The following DENND2B variants were observed in gnomAD, a reference collection of about 807,000 sequenced individuals.
The protein encoded by DENND2B is DENN domain-containing protein 2B.
In DENND2B, 32 loss-of-function variants were observed where a neutral mutation model predicts 116.0. The observed-to-expected ratio is 0.28, with a 90% CI of 0.21 to 0.37. DENND2B has a LOEUF of 0.37. DENND2B is among the 10% of genes least tolerant of loss of function. The pLI, the probability that DENND2B is intolerant of heterozygous loss-of-function variation, is 1.00. For synonymous variants in DENND2B, 588 were observed against 583.9 expected (o/e 1.01, Z -0.10); for missense variants, 1,276 against 1,477.7 (o/e 0.86, Z 2.24).
upstream of DENND2B, chr11:8,810,801 TCA>T (rs1166018395): frequency 2.0e-5 from 3 of 149,628 alleles, no homozygotes; most frequent in Admixed American, 6.7e-5. Flanking sequence ...TCTTTCTTTC[TCA>T]CTGTCTCTCT....
intron 1 of DENND2B, among the ~76,000 whole-genome samples, chr11:8,785,948 C>G (rs1593673805): frequency 6.6e-6 from 1 of 152,290 alleles, no homozygotes; most frequent in South Asian, 2.1e-4. Context: ...TACCTGTTTT[C>G]CAAAGTCTAT....
intron 14 of DENND2B, among the ~76,000 whole-genome samples, chr11:8,701,235 G>C (rs1350639245): frequency 2.0e-5 from 3 of 151,758 alleles, no homozygotes; most frequent in Non-Finnish European, 1.5e-5. Flanking sequence ...TCTTGCCCTT[G>C]CCCCTACAGG....
chr11:8,810,988 A>G, upstream of DENND2B: 1 of 282,386 alleles, frequency 3.5e-6, no homozygotes. Context: ...GGGAGAAGGG[A>G]GAAGACAGTG....
At chr11:8,790,860 ACTTTT>A (rs1432996025) in intron 1 of DENND2B, among the ~76,000 whole-genome samples, 2 of 152,160 alleles carry the variant, frequency 1.3e-5, no homozygotes, top group Non-Finnish European at 2.9e-5. Context: ...CTAAACTCTA[ACTTTT>A]CTTTTCTGAG....
intron 3 of DENND2B, among the ~76,000 whole-genome samples, chr11:8,854,711 A>G (rs1310898653): frequency 6.6e-6 from 1 of 151,994 alleles, no homozygotes; most frequent in African/African-American, 2.4e-5. Context: ...CTCTATCTCT[A>G]TAAATTATTT....
chr11:8,799,601 T>C (rs1166881295), intron 1 of DENND2B, among the ~76,000 whole-genome samples: 1 of 145,478 alleles, frequency 6.9e-6, no homozygotes, highest in African/African-American at 2.5e-5. Flanking sequence ...AGTGTCTTGC[T>C]ATGTTGCTCA....
Position 8,730,722 on chromosome 11 carries a change from C to G in DENND2B, c.568G>C (p.Gly190Arg). 1.9e-6 allele frequency: 3 copies of G among 1,612,258 alleles called. No homozygotes were observed. Among genetic ancestry groups the G allele is most frequent in the Non-Finnish European group, 2.5e-6 (3 of 1,179,884 alleles). Reference protein sequence around the residue: ...RMSMCGEKREGSGSEWAASEG... With the variant: ...RMSMCGEKRERSGSEWAASEG... ...CTGGCCGCCCACTCGCTCCCAGAGC[C>G]CTCCCGCTTCTCTCCACACATGCTC... The change falls in exon 3 of 20, where the codon GGC (glycine) becomes CGC (arginine). Residue 190 changes from glycine to arginine, a missense_variant. By Grantham distance (125) the Gly-to-Arg change is moderately radical (BLOSUM62 -2). This residue lies in a region of DENND2B where 856 missense variants were observed against 846.6 expected (regional missense o/e 1.01). Transcript: ENST00000313726. The surrounding 1 kb of genome is among the most constrained non-coding windows in gnomAD (Gnocchi z 4.1).
chr11:8,710,696 C>T (rs777959016), intron 11 of DENND2B, 149 bp downstream of exon 11: 12 of 782,052 alleles, frequency 1.5e-5, no homozygotes, highest in Admixed American at 4.3e-5. Flanking sequence ...GCAGGGGGTT[C>T]GGGGTGGCCT....
At chr11:8,743,249 T>C (rs556450914) in intron 2 of DENND2B, among the ~76,000 whole-genome samples, 1 of 152,034 alleles carries the variant, frequency 6.6e-6, no homozygotes, top group Admixed American at 6.6e-5. Flanking sequence ...AAAAACCCTT[T>C]GTTAAGCCCC....
At position 8,894,160 on chromosome 11, in the gene DENND2B, TTTAA is replaced by T. The variant is rs2064069683; in HGVS notation, c.-255-13055_-255-13052del. ...CAAGAAATGGGGAAAGGATTCCCTA[TTTAA>T]TAAATGGTGCTGGGAAAACTTGCTA... On this transcript the variant is annotated intron_variant, in intron 1 of 22. Transcript: ENST00000534127. 2.0e-5 allele frequency among the ~76,000 whole-genome samples: 3 copies of T among 152,178 alleles called. No homozygotes were observed. In the South Asian group the frequency reaches 6.2e-4, roughly 32 times the overall value.
At chr11:8,905,678 T>G (rs1366628748) in intron 1 of DENND2B, among the ~76,000 whole-genome samples, 1 of 151,720 alleles carries the variant, frequency 6.6e-6, no homozygotes, top group Non-Finnish European at 1.5e-5. Flanking sequence ...GCGGCTCAAG[T>G]CTGTATTCCC....
At chr11:8,803,072 C>T (rs1052062126) in intron 1 of DENND2B, among the ~76,000 whole-genome samples, 2 of 152,046 alleles carry the variant, frequency 1.3e-5, no homozygotes. Context: ...GTTGAAAACA[C>T]AAGATATACA....
In DENND2B at chr11:8,707,934, G is replaced by C; in HGVS notation, c.2353-80C>G. On this transcript the variant is annotated intron_variant, in intron 11 of 19. Coordinates refer to ENST00000313726, the MANE Select transcript of DENND2B (RefSeq NM_213618.2). The surrounding 1 kb of genome is among the most constrained non-coding windows in gnomAD (Gnocchi z 4.8). ...ACCATTTCTGGCTCCTTTTCCTTGGGAACGGAGGAGTAAGGACTGCCCTTC... is the reference window on the plus strand; with the variant it reads ...ACCATTTCTGGCTCCTTTTCCTTGGCAACGGAGGAGTAAGGACTGCCCTTC... The C allele has an allele frequency of 1.3e-6, 2 of 1,549,180 alleles. No homozygotes were observed. Among genetic ancestry groups the C allele is most frequent in the Non-Finnish European group, 1.7e-6 (2 of 1,149,128 alleles).
chr11:8,697,859 T>C (rs1172991843), intron 16 of DENND2B: 8 of 567,694 alleles, frequency 1.4e-5, no homozygotes, highest in Non-Finnish European at 2.6e-5. Context: ...TCAGGCGCAG[T>C]GGCTCACGCC....
intron 1 of DENND2B, among the ~76,000 whole-genome samples, chr11:8,896,657 A>C (rs2064105866): frequency 6.6e-6 from 1 of 152,210 alleles, no homozygotes; most frequent in African/African-American, 2.4e-5. Context: ...CCACACAACC[A>C]TTCTGTTTTT....
upstream of DENND2B, chr11:8,811,189 T>C (rs2061358490): frequency 2.5e-6 from 1 of 397,982 alleles, no homozygotes; most frequent in South Asian, 1.3e-4. Context: ...CGGGCAGCAG[T>C]TGGGGCGGAA....
chr11:8,858,567 G>A (rs1258306787), intron 2 of DENND2B, among the ~76,000 whole-genome samples: 1 of 152,180 alleles, frequency 6.6e-6, no homozygotes, highest in South Asian at 2.1e-4. Context: ...AGGAGCAGAT[G>A]GGAGAGCTGG....
intron 1 of DENND2B, among the ~76,000 whole-genome samples, chr11:8,807,531 T>A (rs2060977912): frequency 6.6e-6 from 1 of 152,098 alleles, no homozygotes; most frequent in Admixed American, 6.5e-5. Context: ...TGTTCTCCAG[T>A]GTATTTCAAA....
At chr11:8,759,524 T>C (rs963824255) in intron 1 of DENND2B, among the ~76,000 whole-genome samples, 1 of 152,188 alleles carries the variant, frequency 6.6e-6, no homozygotes, top group Non-Finnish European at 1.5e-5. Context: ...TATGTTCCAC[T>C]ACTCTCCTAA....
Sources: allele counts gnomAD v4.1 joint callset (sites outside exome capture counted in the v4.1 genomes callset), GRCh38; gene constraint gnomAD v4.1.1; regional missense constraint gnomAD v4.1.1; non-coding constraint Gnocchi (gnomAD v3.1); transcripts MANE v1.5; gene names NCBI Gene and HGNC (gene_info 2026-07-23, HGNC 2026-07-21).